The following NRG3 variants were observed in gnomAD, a reference collection of about 807,000 sequenced individuals.
NRG3 encodes neuregulin 3, also known as pro-neuregulin-3, membrane-bound isoform.
Under a neutral mutation model 66.9 loss-of-function variants are expected in NRG3, and 31 were observed. The observed-to-expected ratio is 0.46, with a 90% CI of 0.35 to 0.63. The LOEUF (loss-of-function observed/expected upper bound fraction) is 0.63. NRG3 is among the 20% of genes least tolerant of loss of function. The pLI is 0.00. For missense variants in NRG3, 910 were observed against 878.9 expected (o/e 1.04, Z -0.45); for synonymous variants, 393 against 359.4 (o/e 1.09, Z -1.06).
intron 3 of NRG3, among the ~76,000 whole-genome samples, chr10:82,843,997 T>C (rs748259271): frequency 5.3e-5 from 8 of 152,164 alleles, no homozygotes; most frequent in Non-Finnish European, 1.2e-4. Context: ...ACCTCCAACA[T>C]ATCATTTGTC....
chr10:82,043,171 A>G (rs1431752987), intron 1 of NRG3, among the ~76,000 whole-genome samples: 1 of 152,056 alleles, frequency 6.6e-6, no homozygotes, highest in Non-Finnish European at 1.5e-5. Context: ...GCTGCATGGC[A>G]GAAAATGTTG....
At chr10:81,953,534 C>G (rs902448190) in intron 1 of NRG3, among the ~76,000 whole-genome samples, 4 of 152,124 alleles carry the variant, frequency 2.6e-5, no homozygotes, top group African/African-American at 9.7e-5. Context: ...ATCTCTTTTT[C>G]TATGTTGGTT....
intron 1 of NRG3, among the ~76,000 whole-genome samples, chr10:82,119,642 T>C (rs2067958492): frequency 6.6e-6 from 1 of 152,118 alleles, no homozygotes; most frequent in African/African-American, 2.4e-5. Context: ...ACTTATGAGA[T>C]TTTTGCCAAA....
chr10:82,799,054 A>G (rs2060918894), intron 3 of NRG3, among the ~76,000 whole-genome samples: 1 of 152,190 alleles, frequency 6.6e-6, no homozygotes, highest in Admixed American at 6.5e-5. Context: ...TTTAGACAAT[A>G]TGTAGTCAAG....
At chr10:82,512,137 TCTTA>T (rs1443195238) in intron 2 of NRG3, among the ~76,000 whole-genome samples, 1 of 151,884 alleles carries the variant, frequency 6.6e-6, no homozygotes, top group Non-Finnish European at 1.5e-5. Flanking sequence ...AGTTTATTGT[TCTTA>T]CTTTTCTACA....
chr10:82,150,072 A>G (rs909336839), intron 1 of NRG3, among the ~76,000 whole-genome samples: 1 of 151,950 alleles, frequency 6.6e-6, no homozygotes, highest in African/African-American at 2.4e-5. Flanking sequence ...GTTCCCATCA[A>G]TCTATTCCAG....
chr10:82,778,970 C>G (rs1288541547), intron 3 of NRG3, among the ~76,000 whole-genome samples: 1 of 152,058 alleles, frequency 6.6e-6, no homozygotes, highest in Non-Finnish European at 1.5e-5. Flanking sequence ...TAACTGGGGT[C>G]TGGTACTTTT....
Position 81,877,873 on chromosome 10 carries a change from T to C in NRG3, c.823+1710T>C, listed in dbSNP as rs150446197. On this transcript the variant is annotated intron_variant, in intron 1 of 8. Transcript: ENST00000372141. ...GAAGGATAAAGGATTCATGAGTGTA[T>C]GTGTGAACATATTCAATGGATTGAA... The C allele has an allele frequency of 2.3e-3, 3,485 of 1,529,000 alleles. 78 individuals are homozygous for C. In the African/African-American group the frequency reaches 0.041, roughly 18 times the overall value. 94.7% of individuals were successfully genotyped at this position (1,529,000 alleles called of 1,614,324 possible).
chr10:82,839,730 T>G (rs2062961036), intron 3 of NRG3, among the ~76,000 whole-genome samples: 1 of 151,816 alleles, frequency 6.6e-6, no homozygotes, highest in Non-Finnish European at 1.5e-5. Context: ...GTACACAAAA[T>G]AAAAATACAT....
At chr10:82,960,055 C>T (rs1019159723) in intron 6 of NRG3, among the ~76,000 whole-genome samples, 3 of 152,198 alleles carry the variant, frequency 2.0e-5, no homozygotes, top group African/African-American at 7.2e-5. Flanking sequence ...TCACACCCCT[C>T]CAAATGCTTC....
intron 1 of NRG3, among the ~76,000 whole-genome samples, chr10:81,954,504 C>G (rs1849642611): frequency 6.6e-6 from 1 of 152,052 alleles, no homozygotes; most frequent in African/African-American, 2.4e-5. Flanking sequence ...AAAGAAGAAA[C>G]TACAAGAAAA....
At chr10:82,431,045 T>C (rs2089774525) in intron 2 of NRG3, among the ~76,000 whole-genome samples, 1 of 152,212 alleles carries the variant, frequency 6.6e-6, no homozygotes, top group Non-Finnish European at 1.5e-5. Flanking sequence ...TTCCTTATTT[T>C]CCTGATATTT....
At chr10:82,866,460 G>A (rs750417384) in intron 4 of NRG3, among the ~76,000 whole-genome samples, 5 of 152,114 alleles carry the variant, frequency 3.3e-5, no homozygotes, top group African/African-American at 9.7e-5. Flanking sequence ...AGAAATTTGT[G>A]AAATGTCTTT....
intron 2 of NRG3, among the ~76,000 whole-genome samples, chr10:82,468,184 A>G (rs904224239): frequency 1.3e-5 from 2 of 152,210 alleles, no homozygotes; most frequent in African/African-American, 4.8e-5. Flanking sequence ...ATTTAAACCC[A>G]GGTCATGTGA....
chr10:82,285,762 C>T (rs1272561212), intron 1 of NRG3, among the ~76,000 whole-genome samples: 1 of 152,152 alleles, frequency 6.6e-6, no homozygotes, highest in African/African-American at 2.4e-5. Context: ...AGTATGTTTG[C>T]CTCCAAATTC....
chr10:82,412,494 T>C (rs1226320021), intron 2 of NRG3, among the ~76,000 whole-genome samples: 1 of 152,200 alleles, frequency 6.6e-6, no homozygotes, highest in African/African-American at 2.4e-5. Context: ...CAGTGAGTTA[T>C]AATCCTTTTG....
chr10:82,241,012 G>T (rs1263478196), intron 1 of NRG3, among the ~76,000 whole-genome samples: 2 of 152,016 alleles, frequency 1.3e-5, no homozygotes, highest in Non-Finnish European at 2.9e-5. Context: ...CTTTTTAAGG[G>T]TACACACATG....
chr10:82,030,207 G>A (rs2132869792), intron 1 of NRG3, among the ~76,000 whole-genome samples: 1 of 152,156 alleles, frequency 6.6e-6, no homozygotes, highest in South Asian at 2.1e-4. Flanking sequence ...GTCCCATAGA[G>A]AAATATCAGG....
chr10:82,858,454 G>C (rs148456698), intron 3 of NRG3, among the ~76,000 whole-genome samples: 1 of 152,228 alleles, frequency 6.6e-6, no homozygotes, highest in African/African-American at 2.4e-5. Flanking sequence ...ACCCACTGTT[G>C]ATACCTGAGA....
Sources: allele counts gnomAD v4.1 joint callset (sites outside exome capture counted in the v4.1 genomes callset), GRCh38; gene constraint gnomAD v4.1.1; transcripts MANE v1.5; gene names NCBI Gene and HGNC (gene_info 2026-07-23, HGNC 2026-07-21).